The following NTNG1 variants were observed in gnomAD, a reference collection of about 807,000 sequenced individuals.
The protein encoded by NTNG1 is netrin-G1.
Under a neutral mutation model 54.0 loss-of-function variants are expected in NTNG1, and 16 were observed. The observed-to-expected ratio is 0.30, with a 90% CI of 0.20 to 0.45. The LOEUF (loss-of-function observed/expected upper bound fraction) is 0.45, where lower values mean the gene tolerates loss of function less well. Ranked by LOEUF, NTNG1 falls within the 20% of genes least tolerant of loss-of-function variation. The probability of loss-of-function intolerance (pLI) is 1.00; values close to 1 mark genes in which losing one functional copy is unlikely to be tolerated. For missense variants in NTNG1, 530 were observed against 678.7 expected, an observed-to-expected ratio of 0.78 and a Z score of 2.43; for synonymous variants, 255 against 263.1, an observed-to-expected ratio of 0.97 and a Z score of 0.30.
At chr1:107,165,225 G>T (rs995499051) in intron 2 of NTNG1, among the ~76,000 whole-genome samples, 3 of 152,140 alleles carry the variant, frequency 2.0e-5, no homozygotes, top group Non-Finnish European at 1.5e-5. Flanking sequence ...GGGGCGAAGA[G>T]AACCAGGAAG....
chr1:107,210,100 C>A (rs1258059430), intron 2 of NTNG1, among the ~76,000 whole-genome samples: 2 of 152,048 alleles, frequency 1.3e-5, no homozygotes, highest in East Asian at 3.9e-4. Flanking sequence ...GAAACGTGAA[C>A]AGTGAGGACA....
chr1:107,398,640 C>A (rs971128565), intron 4 of NTNG1, among the ~76,000 whole-genome samples: 1 of 152,124 alleles, frequency 6.6e-6, no homozygotes, highest in Non-Finnish European at 1.5e-5. Context: ...TATTTTTATT[C>A]ATCATGCTTT....
At chr1:107,421,077 T>C in intron 5 of NTNG1, 6 of 1,601,896 alleles carry the variant, frequency 3.7e-6, no homozygotes, top group Admixed American at 1.7e-5. Context: ...CTTTTAAACC[T>C]ATCCAGTTGC....
chr1:107,210,486 A>G (rs1659526800), intron 2 of NTNG1, among the ~76,000 whole-genome samples: 1 of 152,196 alleles, frequency 6.6e-6, no homozygotes. Context: ...GATGGGGGAC[A>G]TCAGAGGCAG....
intron 2 of NTNG1, among the ~76,000 whole-genome samples, chr1:107,286,188 A>G (rs987770049): frequency 1.3e-5 from 2 of 152,156 alleles, no homozygotes; most frequent in Non-Finnish European, 2.9e-5. Context: ...TGCCATGGGA[A>G]AATGAAAACT....
At chr1:107,191,197 A>C (rs1050613835) in intron 2 of NTNG1, among the ~76,000 whole-genome samples, 1 of 151,956 alleles carries the variant, frequency 6.6e-6, no homozygotes, top group Non-Finnish European at 1.5e-5. Flanking sequence ...GCATTTTTTC[A>C]TGTGTCTGTT....
chr1:107,367,114 G>T (rs920708310), intron 3 of NTNG1, among the ~76,000 whole-genome samples: 1 of 151,790 alleles, frequency 6.6e-6, no homozygotes. Context: ...CACACTATGG[G>T]TGCATAATAA....
chr1:107,312,282 A>G (rs1667062656), intron 2 of NTNG1, among the ~76,000 whole-genome samples: 1 of 152,122 alleles, frequency 6.6e-6, no homozygotes, highest in African/African-American at 2.4e-5. Context: ...GATGACTCCA[A>G]CCTTTCCTAT....
intron 2 of NTNG1, among the ~76,000 whole-genome samples, chr1:107,257,105 AT>A (rs1239405918): frequency 2.6e-5 from 4 of 152,216 alleles, no homozygotes; most frequent in Non-Finnish European, 5.9e-5. Context: ...GCTCCAAAAA[AT>A]AATGGTAAAC....
intron 2 of NTNG1, among the ~76,000 whole-genome samples, chr1:107,246,342 T>C (rs1399348421): frequency 6.6e-6 from 1 of 151,954 alleles, no homozygotes; most frequent in Non-Finnish European, 1.5e-5. Context: ...CTTGAGTTTA[T>C]TTAATTATTA....
At chr1:107,437,075 T>C (rs1675649449) in intron 7 of NTNG1, among the ~76,000 whole-genome samples, 1 of 152,030 alleles carries the variant, frequency 6.6e-6, no homozygotes, top group Admixed American at 6.6e-5. Context: ...ATAAATTAAG[T>C]GACACAATAG....
At chr1:107,357,616 T>C (rs963871017) in intron 3 of NTNG1, among the ~76,000 whole-genome samples, 1 of 152,176 alleles carries the variant, frequency 6.6e-6, no homozygotes, top group African/African-American at 2.4e-5. Flanking sequence ...CAAGTTAACA[T>C]TGGAAGAAAG....
intron 3 of NTNG1, among the ~76,000 whole-genome samples, chr1:107,368,340 A>T (rs1670721536): frequency 6.6e-6 from 1 of 152,152 alleles, no homozygotes. Context: ...AAAAAAAAAA[A>T]CATTGGTGGC....
At position 107,173,649 on chromosome 1, in the gene NTNG1, T is replaced by C. The variant is rs865775780; in HGVS notation, c.246+24810T>C. Among the ~76,000 whole-genome samples the C allele has an allele frequency of 9.2e-5, 14 of 152,222 alleles. No homozygotes were observed. The Middle Eastern group carries it at 0.01, about 111-fold the overall frequency. On this transcript the variant is annotated intron_variant, in intron 2 of 7. Transcript: ENST00000370068. ...AAAGGAGTGTGAGGTGTTTAATAAG[T>C]TCTTATTTAGAACAATGAAATACAG...
chr1:107,388,433 G>T (rs1672152725), intron 3 of NTNG1, among the ~76,000 whole-genome samples: 2 of 152,208 alleles, frequency 1.3e-5, no homozygotes, highest in African/African-American at 4.8e-5. Flanking sequence ...GAGGCAGGCT[G>T]CCCATGGTCT....
chr1:107,330,236 T>A (rs985802689), intron 3 of NTNG1, among the ~76,000 whole-genome samples: 1 of 152,140 alleles, frequency 6.6e-6, no homozygotes, highest in Non-Finnish European at 1.5e-5. Flanking sequence ...TCTGAAGGAT[T>A]CCTACCTCTT....
chr1:107,255,936 G>C (rs1662904467), intron 2 of NTNG1, among the ~76,000 whole-genome samples: 1 of 152,130 alleles, frequency 6.6e-6, no homozygotes, highest in Non-Finnish European at 1.5e-5. Flanking sequence ...AAACATAACT[G>C]TTTTGAGAAA....
intron 2 of NTNG1, among the ~76,000 whole-genome samples, chr1:107,163,866 C>G (rs555619754): frequency 6.6e-6 from 1 of 152,108 alleles, no homozygotes; most frequent in Non-Finnish European, 1.5e-5. Context: ...TATGTTGGCT[C>G]TCATAAAGGC....
chr1:107,257,482 T>C (rs897522874), intron 2 of NTNG1, among the ~76,000 whole-genome samples: 8 of 152,246 alleles, frequency 5.3e-5, no homozygotes, highest in Non-Finnish European at 1.0e-4. Flanking sequence ...GAGGATTTAC[T>C]TCTTTTTTCT....
Sources: allele counts gnomAD v4.1 joint callset (sites outside exome capture counted in the v4.1 genomes callset), GRCh38; gene constraint gnomAD v4.1.1; transcripts MANE v1.5; gene names NCBI Gene and HGNC (gene_info 2026-07-23, HGNC 2026-07-21).